The following GRM1 variants were observed in gnomAD, a reference collection of about 807,000 sequenced individuals.
The protein encoded by GRM1 is glutamate metabotropic receptor 1.
Under a neutral mutation model 90.9 loss-of-function variants are expected in GRM1, and 33 were observed. The ratio of observed to expected loss-of-function variants is 0.36; its 90% CI spans 0.28 to 0.49. GRM1 has a LOEUF of 0.49. Among genes scored for constraint, GRM1 ranks in the 20% least tolerant of loss-of-function variants. GRM1 has a pLI of 0.99. For missense variants in GRM1, 1,190 were observed against 1,534.3 expected (o/e 0.78, Z 3.75); for synonymous variants, 700 against 613.2 (o/e 1.14, Z -2.09).
intron 1 of GRM1, among the ~76,000 whole-genome samples, chr6:146,032,294 T>C (rs1790735171): frequency 6.6e-6 from 1 of 152,188 alleles, no homozygotes; most frequent in Admixed American, 6.5e-5. Context: ...GTGGGGTTTA[T>C]TTTATTACCA....
chr6:146,374,422 T>A (rs1179378734), intron 5 of GRM1, among the ~76,000 whole-genome samples: 2 of 152,112 alleles, frequency 1.3e-5, no homozygotes, highest in East Asian at 1.9e-4. Context: ...CTATTTTTTG[T>A]TATAGTTTGA....
At chr6:146,332,333 A>T (rs887183743) in intron 3 of GRM1, among the ~76,000 whole-genome samples, 1 of 152,158 alleles carries the variant, frequency 6.6e-6, no homozygotes, top group Non-Finnish European at 1.5e-5. Context: ...GGATGAATCA[A>T]TCCTAAGCCT....
chr6:146,391,271 C>T (rs1156639905), intron 6 of GRM1, among the ~76,000 whole-genome samples: 1 of 151,950 alleles, frequency 6.6e-6, no homozygotes, highest in Non-Finnish European at 1.5e-5. Context: ...GCTACCAGTC[C>T]TCAGATCAGA....
intron 1 of GRM1, among the ~76,000 whole-genome samples, chr6:146,080,243 G>T (rs1397392915): frequency 6.6e-6 from 1 of 152,178 alleles, no homozygotes; most frequent in Non-Finnish European, 1.5e-5. Context: ...AATTGTGAAT[G>T]TAAGAATTTT....
chr6:146,406,571 A>G (rs1163729757), intron 7 of GRM1, among the ~76,000 whole-genome samples: 1 of 152,102 alleles, frequency 6.6e-6, no homozygotes, highest in Non-Finnish European at 1.5e-5. Context: ...GCTCACGCCT[A>G]TAGTCCTAGC....
At chr6:146,432,876 G>A (rs1430785663) in intron 7 of GRM1, among the ~76,000 whole-genome samples, 2 of 152,172 alleles carry the variant, frequency 1.3e-5, no homozygotes, top group African/African-American at 2.4e-5. Flanking sequence ...TATTCAGGGA[G>A]AAATTCCATA....
chr6:146,132,759 G>T (rs1429355968), intron 1 of GRM1, among the ~76,000 whole-genome samples: 1 of 152,058 alleles, frequency 6.6e-6, no homozygotes, highest in Non-Finnish European at 1.5e-5. Flanking sequence ...TTCTTAACTG[G>T]GTGTAGATAT....
intron 2 of GRM1, among the ~76,000 whole-genome samples, chr6:146,224,083 T>A (rs1395798025): frequency 6.6e-6 from 1 of 152,112 alleles, no homozygotes; most frequent in Non-Finnish European, 1.5e-5. Flanking sequence ...CTCATTGGCC[T>A]AGATGTGGTG....
chr6:146,120,603 A>G (rs1012797622), intron 1 of GRM1, among the ~76,000 whole-genome samples: 1 of 152,198 alleles, frequency 6.6e-6, no homozygotes, highest in Admixed American at 6.5e-5. Flanking sequence ...TTATTTTGAG[A>G]TACGTCCCAT....
chr6:146,313,629 C>T (rs1177221851), intron 3 of GRM1, among the ~76,000 whole-genome samples: 2 of 152,142 alleles, frequency 1.3e-5, no homozygotes, highest in African/African-American at 2.4e-5. Flanking sequence ...AACAGTTGTT[C>T]AGGATGGGTG....
In GRM1 at chr6:146,049,178, C is replaced by A. The variant is rs550813274; in HGVS notation, c.700+18961C>A. Reference sequence around the variant, plus strand: ...TCTACTCATAAATGGTAATATAACTCAGAGGTATGTTATTGTGATGGCTAA... The same window carrying A: ...TCTACTCATAAATGGTAATATAACTAAGAGGTATGTTATTGTGATGGCTAA... On this transcript the variant is annotated intron_variant, in intron 1 of 7. Coordinates refer to ENST00000282753, the MANE Select transcript of GRM1 (RefSeq NM_001278064.2). Among the ~76,000 whole-genome samples the A allele has an allele frequency of 4.6e-5, 7 of 152,084 alleles. No homozygotes were observed. The South Asian group carries it at 1.5e-3, about 32-fold the overall frequency.
chr6:146,345,173 A>G (rs539822128), intron 3 of GRM1, among the ~76,000 whole-genome samples: 23 of 152,320 alleles, frequency 1.5e-4, no homozygotes, highest in African/African-American at 5.1e-4. Context: ...TATGGCCTAT[A>G]TTTAAATCAC....
In GRM1 at chr6:146,164,478, G is replaced by A. The variant is rs114338305; in HGVS notation, c.950+4881G>A. ...TGATAGCTAGTAGAGAGAGCATGTA[G>A]CCTCATTATGTGACCCCTGATTTCC... On this transcript the variant is annotated intron_variant, in intron 2 of 7. Transcript: ENST00000282753. Among the ~76,000 whole-genome samples the A allele has an allele frequency of 5.0e-3, 763 of 152,152 alleles. 5 individuals carry two copies. Among genetic ancestry groups the A allele is most frequent in the African/African-American group, 0.018 (732 of 41,506 alleles).
At position 146,421,298 on chromosome 6, in the gene GRM1, G is replaced by A. The variant is rs149059410; in HGVS notation, c.2661-12574G>A. ...AAGAATGGATTATTTTTTAAAGTGT[G>A]GTATTTGTTCAATTTAGTTTAAGTG... On this transcript the variant is annotated intron_variant, in intron 7 of 7. Transcript: ENST00000282753. 5.1e-3 allele frequency among the ~76,000 whole-genome samples: 781 copies of A among 152,004 alleles called. 3 individuals carry two copies. Among genetic ancestry groups the A allele is most frequent in the Non-Finnish European group, 8.5e-3 (579 of 67,926 alleles).
At chr6:146,309,286 C>T (rs1783695447) in intron 3 of GRM1, among the ~76,000 whole-genome samples, 1 of 151,796 alleles carries the variant, frequency 6.6e-6, no homozygotes, top group Non-Finnish European at 1.5e-5. Flanking sequence ...ATAATCCTAG[C>T]TACTCGGGAG....
chr6:146,183,946 T>C (rs765586326), intron 2 of GRM1, among the ~76,000 whole-genome samples: 3 of 152,160 alleles, frequency 2.0e-5, no homozygotes, highest in Non-Finnish European at 4.4e-5. Context: ...ACAGCAATAA[T>C]CAGGCCACTT....
intron 5 of GRM1, among the ~76,000 whole-genome samples, chr6:146,362,664 C>CA (rs11432508): frequency 0.24 from 20,296 of 85,558 alleles, 2,761 homozygotes; most frequent in Non-Finnish European, 0.32. Flanking sequence ...GACTCCATCT[C>CA]AAAAAAAAAA....
chr6:146,334,250 T>C (rs564666383), intron 3 of GRM1, among the ~76,000 whole-genome samples: 2 of 152,336 alleles, frequency 1.3e-5, no homozygotes, highest in East Asian at 3.9e-4. Context: ...AGTTTCTGCC[T>C]CTGGACTAGA....
At chr6:146,266,305 A>G (rs1781884102) in intron 2 of GRM1, among the ~76,000 whole-genome samples, 7 of 152,254 alleles carry the variant, frequency 4.6e-5, no homozygotes, top group Admixed American at 4.6e-4. Context: ...AAATATTTGC[A>G]TGCAATATTT....
Sources: gnomAD v4.1 joint callset for allele counts (sites outside exome capture counted in the v4.1 genomes callset) on GRCh38, gnomAD v4.1.1 for gene constraint, MANE v1.5 for transcripts, NCBI Gene and HGNC (gene_info 2026-07-23, HGNC 2026-07-21) for gene names.